Variants in DCAF6 observed in about 807,000 individuals in gnomAD.
DCAF6 encodes DDB1- and CUL4-associated factor 6.
DCAF6 carries 54 observed loss-of-function variants against 125.1 expected under a neutral mutation model. The observed-to-expected ratio is 0.43, with a 90% CI of 0.35 to 0.54. DCAF6 has a LOEUF of 0.54. DCAF6 is among the 20% of genes least tolerant of loss of function. DCAF6 has a pLI of 0.01. For synonymous variants in DCAF6, 371 were observed against 390.4 expected, an observed-to-expected ratio of 0.95 and a Z score of 0.58; for missense variants, 934 against 1,161.7, an observed-to-expected ratio of 0.80 and a Z score of 2.85.
chr1:167,952,619 T>C (rs1219396999), intron 2 of DCAF6, among the ~76,000 whole-genome samples: 1 of 152,190 alleles, frequency 6.6e-6, no homozygotes, highest in African/African-American at 2.4e-5. Flanking sequence ...ATCTTCTCTG[T>C]CTCAGCTGAC....
chr1:167,878,181 G>A, the DCAF6 span, among the ~76,000 whole-genome samples: 1 of 152,168 alleles, frequency 6.6e-6, no homozygotes, highest in Non-Finnish European at 1.5e-5. Context: ...TCAAATGAGA[G>A]GATTTTTTGT....
chr1:167,921,294 C>T, the DCAF6 span, among the ~76,000 whole-genome samples: 1 of 151,802 alleles, frequency 6.6e-6, no homozygotes, highest in South Asian at 2.1e-4. Context: ...GCGATCTAGG[C>T]TCACTGCAAC....
At chr1:168,058,565 T>TTTTG (rs369988779) in intron 17 of DCAF6, among the ~76,000 whole-genome samples, 1,665 of 152,176 alleles carry the variant, frequency 0.011, 35 homozygotes, top group African/African-American at 0.036. Context: ...TGATCTGGTT[T>TTTTG]TTTGTTTGTT....
chr1:167,921,561 A>G, the DCAF6 span, among the ~76,000 whole-genome samples: 7 of 151,970 alleles, frequency 4.6e-5, no homozygotes, highest in South Asian at 2.1e-4. Context: ...CAGCATATAC[A>G]TGGCCATTTC....
intron 2 of DCAF6, among the ~76,000 whole-genome samples, chr1:167,953,053 T>G (rs887861800): frequency 2.6e-5 from 4 of 152,232 alleles, no homozygotes; most frequent in Non-Finnish European, 5.9e-5. Context: ...AAAAAGCGAT[T>G]GACATTTTCT....
chr1:167,878,615 A>G, the DCAF6 span: 9 of 1,614,116 alleles, frequency 5.6e-6, no homozygotes, highest in African/African-American at 1.3e-5. Flanking sequence ...CTGGCAGCTA[A>G]GTTGACTTTT....
chr1:167,903,858 T>C, the DCAF6 span: 1 of 1,518,004 alleles, frequency 6.6e-7, no homozygotes, highest in Non-Finnish European at 9.2e-7. Context: ...TGAAATATTC[T>C]CAAGCCAGAA....
intron 4 of DCAF6, among the ~76,000 whole-genome samples, chr1:167,982,020 G>T (rs1015476424): frequency 1.3e-5 from 2 of 152,116 alleles, no homozygotes; most frequent in Non-Finnish European, 2.9e-5. Flanking sequence ...TTTCTCTGCG[G>T]CCTCACCAGC....
chr1:168,019,785 T>C (rs972746840), intron 11 of DCAF6: 15 of 185,496 alleles, frequency 8.1e-5, no homozygotes, highest in Non-Finnish European at 1.5e-4. Flanking sequence ...TTTTCAAAAC[T>C]GAGCCATATT....
At chr1:167,951,532 G>A (rs1227112113) in intron 1 of DCAF6, among the ~76,000 whole-genome samples, 1 of 152,136 alleles carries the variant, frequency 6.6e-6, no homozygotes, top group Non-Finnish European at 1.5e-5. Flanking sequence ...CTGAGATCAT[G>A]CCACTGCACT....
the DCAF6 span, among the ~76,000 whole-genome samples, chr1:167,864,895 G>GA: frequency 2.8e-3 from 361 of 129,228 alleles, 4 homozygotes; most frequent in South Asian, 4.7e-3. Flanking sequence ...TTGCTAACAG[G>GA]AAAAAAAAAA....
rs148881800 is a variant in DCAF6 at position 168,063,023 on chromosome 1, T to C, written c.2301-598T>C. On this transcript the variant is annotated intron_variant, in intron 17 of 21. Coordinates refer to ENST00000367840, the MANE Select transcript of DCAF6 (RefSeq NM_001198956.2). Reference sequence around the variant, plus strand: ...GCCTCCCGGGTTCATGCCATTCTCCTGCCTCAGCCTCCCGAGTAGCTGGGA... The same window carrying C: ...GCCTCCCGGGTTCATGCCATTCTCCCGCCTCAGCCTCCCGAGTAGCTGGGA... Among the ~76,000 whole-genome samples the C allele has an allele frequency of 5.3e-3, 812 of 151,936 alleles. 6 individuals carry two copies. Among genetic ancestry groups the C allele is most frequent in the African/African-American group, 0.019 (767 of 41,442 alleles).
chr1:167,992,202 A>G (rs1047029437), intron 6 of DCAF6, among the ~76,000 whole-genome samples: 4 of 151,402 alleles, frequency 2.6e-5, no homozygotes, highest in African/African-American at 7.3e-5. Flanking sequence ...AAAATAAACA[A>G]TTAGAAGTCA....
intron 7 of DCAF6, among the ~76,000 whole-genome samples, chr1:167,995,792 T>C (rs983511211): frequency 2.0e-5 from 3 of 152,202 alleles, no homozygotes; most frequent in African/African-American, 7.2e-5. Flanking sequence ...TGTTTTATAC[T>C]GAAACTTTGA....
chr1:167,909,930 G>A, the DCAF6 span, among the ~76,000 whole-genome samples: 12 of 149,578 alleles, frequency 8.0e-5, no homozygotes, highest in Middle Eastern at 3.2e-3. Flanking sequence ...ACCAGCCGGC[G>A]CCACTGATGA....
rs896775550 is a variant in DCAF6 at position 168,035,428 on chromosome 1, C to T, written c.1610-2943C>T. 5.9e-5 allele frequency among the ~76,000 whole-genome samples: 9 copies of T among 152,146 alleles called. 1 individual carries two copies. Among genetic ancestry groups the T allele is most frequent in the South Asian group, 4.1e-4 (2 of 4,832 alleles). On this transcript the variant is annotated intron_variant, in intron 12 of 21. Coordinates refer to ENST00000367840, the MANE Select transcript of DCAF6 (RefSeq NM_001198956.2). Reference sequence around the variant, plus strand: ...CGCCACTGCACTCCAACCTGGACGACGGAGTGAGACTCTGTCTCAAAACAA... The same window carrying T: ...CGCCACTGCACTCCAACCTGGACGATGGAGTGAGACTCTGTCTCAAAACAA...
chr1:168,020,314 T>G (rs1685520204), intron 11 of DCAF6, among the ~76,000 whole-genome samples: 1 of 152,196 alleles, frequency 6.6e-6, no homozygotes, highest in African/African-American at 2.4e-5. Context: ...AAACCACATT[T>G]GAACCCAGGA....
At chr1:168,017,156 C>G (rs1685087223) in intron 11 of DCAF6, among the ~76,000 whole-genome samples, 1 of 150,522 alleles carries the variant, frequency 6.6e-6, no homozygotes, top group Admixed American at 6.6e-5. Context: ...AAATATTTTC[C>G]TATACTTTAA....
At chr1:167,943,846 A>AT (rs201612004) in intron 1 of DCAF6, among the ~76,000 whole-genome samples, 4,795 of 148,934 alleles carry the variant, frequency 0.032, 237 homozygotes, top group African/African-American at 0.11. Flanking sequence ...GATTTCATTC[A>AT]TTTTTTTTTT....
Sources: allele counts gnomAD v4.1 joint callset (sites outside exome capture counted in the v4.1 genomes callset), GRCh38; gene constraint gnomAD v4.1.1; transcripts MANE v1.5; gene names NCBI Gene and HGNC (gene_info 2026-07-23, HGNC 2026-07-21).